GRM7: variants seen among roughly 807,000 people sequenced by gnomAD.
GRM7 encodes the protein metabotropic glutamate receptor 7.
In GRM7, 35 loss-of-function variants were observed where a neutral mutation model predicts 84.5. The ratio of observed to expected loss-of-function variants is 0.41; its 90% CI spans 0.32 to 0.55. The LOEUF is 0.55. Among genes scored for constraint, GRM7 ranks in the 20% least tolerant of loss-of-function variants. The pLI, the probability that GRM7 is intolerant of heterozygous loss-of-function variation, is 0.19. For synonymous variants in GRM7, 487 were observed against 455.1 expected (o/e 1.07, Z -0.89); for missense variants, 1,003 against 1,194.6 (o/e 0.84, Z 2.36).
chr3:7,433,949 G>A (rs1696937385), intron 5 of GRM7, among the ~76,000 whole-genome samples: 1 of 152,122 alleles, frequency 6.6e-6, no homozygotes, highest in Admixed American at 6.5e-5. Context: ...TAATATTGGA[G>A]ACTTTAAATT....
chr3:7,611,828 G>C (rs1432708802), intron 8 of GRM7, among the ~76,000 whole-genome samples: 1 of 152,068 alleles, frequency 6.6e-6, no homozygotes, highest in African/African-American at 2.4e-5. Flanking sequence ...ATCTTGCAAA[G>C]AGAAATCTGG....
At chr3:7,628,619 A>G (rs545707854) in intron 8 of GRM7, among the ~76,000 whole-genome samples, 3 of 152,290 alleles carry the variant, frequency 2.0e-5, no homozygotes, top group South Asian at 4.1e-4. Flanking sequence ...GTTACTTCCA[A>G]TTCAATAATT....
chr3:7,467,957 C>G (rs973302006), intron 7 of GRM7, among the ~76,000 whole-genome samples: 3 of 152,068 alleles, frequency 2.0e-5, no homozygotes, highest in Non-Finnish European at 4.4e-5. Context: ...ATGTTTGTTC[C>G]ATATTGAATC....
chr3:7,301,489 T>A (rs17047058), intron 3 of GRM7, among the ~76,000 whole-genome samples: 2 of 151,950 alleles, frequency 1.3e-5, no homozygotes, highest in Non-Finnish European at 2.9e-5. Flanking sequence ...TAAAATATGG[T>A]CTCATGTTTG....
intron 1 of GRM7, among the ~76,000 whole-genome samples, chr3:7,045,346 G>A (rs762577208): frequency 2.6e-5 from 4 of 152,092 alleles, no homozygotes; most frequent in Non-Finnish European, 5.9e-5. Context: ...CAAAGATAGA[G>A]TAAGTAAAAT....
intron 2 of GRM7, among the ~76,000 whole-genome samples, chr3:7,236,882 G>A (rs1000836521): frequency 6.6e-6 from 1 of 152,132 alleles, no homozygotes; most frequent in African/African-American, 2.4e-5. Flanking sequence ...CTGAGTTTGG[G>A]AACATTTGTT....
At chr3:7,099,323 A>G (rs1325223353) in intron 1 of GRM7, among the ~76,000 whole-genome samples, 2 of 146,632 alleles carry the variant, frequency 1.4e-5, no homozygotes, top group Non-Finnish European at 3.0e-5. Context: ...ATACATGTAT[A>G]TATGTACACA....
chr3:7,495,911 AG>A (rs1478168277), intron 7 of GRM7, among the ~76,000 whole-genome samples: 1 of 152,152 alleles, frequency 6.6e-6, no homozygotes, highest in Admixed American at 6.5e-5. Flanking sequence ...CACCTCCTGA[AG>A]GGTTTATAGC....
intron 2 of GRM7, among the ~76,000 whole-genome samples, chr3:7,272,062 G>C (rs1698885176): frequency 6.6e-6 from 1 of 152,088 alleles, no homozygotes; most frequent in Non-Finnish European, 1.5e-5. Context: ...CCATTTCTGC[G>C]TGGTTAAGAT....
At chr3:7,016,327 G>A (rs1361668574) in intron 1 of GRM7, among the ~76,000 whole-genome samples, 1 of 152,174 alleles carries the variant, frequency 6.6e-6, no homozygotes, top group Non-Finnish European at 1.5e-5. Flanking sequence ...TGTTTTACTT[G>A]GGTGAAGTCA....
At chr3:7,300,691 A>G (rs1699968309) in intron 3 of GRM7, among the ~76,000 whole-genome samples, 1 of 151,966 alleles carries the variant, frequency 6.6e-6, no homozygotes, top group South Asian at 2.1e-4. Context: ...TCCCTGCTTC[A>G]TCACCTCAAT....
intron 1 of GRM7, among the ~76,000 whole-genome samples, chr3:6,897,616 A>G (rs1285868728): frequency 6.6e-6 from 1 of 152,216 alleles, no homozygotes; most frequent in African/African-American, 2.4e-5. Flanking sequence ...TGTTCAATAA[A>G]TGCTAGCTGT....
At chr3:6,940,266 A>G (rs1310248159) in intron 1 of GRM7, among the ~76,000 whole-genome samples, 1 of 151,850 alleles carries the variant, frequency 6.6e-6, no homozygotes, top group African/African-American at 2.4e-5. Flanking sequence ...TAATTTTTAT[A>G]TTTTTAGTAG....
At chr3:7,264,476 C>T (rs1193808112) in intron 2 of GRM7, among the ~76,000 whole-genome samples, 1 of 152,112 alleles carries the variant, frequency 6.6e-6, no homozygotes, top group Non-Finnish European at 1.5e-5. Flanking sequence ...CAGGTTGCTC[C>T]TTGCCTGTTC....
chr3:7,095,780 TG>T, intron 1 of GRM7, among the ~76,000 whole-genome samples: 1 of 152,270 alleles, frequency 6.6e-6, no homozygotes, highest in East Asian at 1.9e-4. Flanking sequence ...TCTAGTCTGC[TG>T]GTTAAATTTC....
chr3:7,540,687 A>T (rs982039583), intron 7 of GRM7, among the ~76,000 whole-genome samples: 4 of 152,232 alleles, frequency 2.6e-5, no homozygotes, highest in Non-Finnish European at 5.9e-5. Context: ...CCACTGACTT[A>T]CATCTTTTAA....
chr3:7,054,819 T>C (rs1697154171), intron 1 of GRM7, among the ~76,000 whole-genome samples: 1 of 151,824 alleles, frequency 6.6e-6, no homozygotes, highest in South Asian at 2.1e-4. Flanking sequence ...AAAATTTGGG[T>C]CACCTTGGGT....
chr3:7,650,390 G>T (rs1446954851), intron 8 of GRM7, among the ~76,000 whole-genome samples: 1 of 152,190 alleles, frequency 6.6e-6, no homozygotes, highest in African/African-American at 2.4e-5. Context: ...TAAGTGAGAT[G>T]CTGTGTATAA....
At chr3:7,386,644 A>G (rs545298831) in intron 4 of GRM7, among the ~76,000 whole-genome samples, 1 of 152,308 alleles carries the variant, frequency 6.6e-6, no homozygotes, top group East Asian at 1.9e-4. Context: ...CATGGTGTAT[A>G]TGTACCACAT....
Sources: allele counts gnomAD v4.1 joint callset (sites outside exome capture counted in the v4.1 genomes callset), GRCh38; gene constraint gnomAD v4.1.1; transcripts MANE v1.5; gene names NCBI Gene and HGNC (gene_info 2026-07-23, HGNC 2026-07-21).